CHMP1A: variants seen among roughly 807,000 people sequenced by gnomAD.
CHMP1A encodes VPS46 homolog A.
CHMP1A carries 17 observed loss-of-function variants against 27.0 expected under a neutral mutation model. The ratio of observed to expected loss-of-function variants is 0.63; its 90% confidence interval spans 0.43 to 0.95. The LOEUF (loss-of-function observed/expected upper bound fraction) is 0.95. CHMP1A is among the 40% of genes least tolerant of loss of function. The pLI is 0.00. For missense variants in CHMP1A, 275 were observed against 264.0 expected, an observed-to-expected ratio of 1.04 and a Z score of -0.29; for synonymous variants, 131 against 107.5, an observed-to-expected ratio of 1.22 and a Z score of -1.35.
chr16:89,655,949 C>G (rs563760503), intron 1 of CHMP1A, among the ~76,000 whole-genome samples: 1 of 151,996 alleles, frequency 6.6e-6, no homozygotes, highest in African/African-American at 2.4e-5. Context: ...GAATTACAGC[C>G]GTGAGCCACC....
intron 4 of CHMP1A, among the ~76,000 whole-genome samples, chr16:89,647,567 C>T (rs1228145859): frequency 8.8e-5 from 13 of 147,694 alleles, no homozygotes; most frequent in Admixed American, 3.4e-4. Flanking sequence ...GACGTGGAGA[C>T]CCAGTGCGGG....
chr16:89,649,645 G>A (rs891546029), intron 3 of CHMP1A, 148 bp from the exon 4 acceptor site: 31 of 903,968 alleles, frequency 3.4e-5, no homozygotes, highest in Middle Eastern at 2.7e-4. Context: ...GCACGATCTC[G>A]ACTCAACGCA....
In CHMP1A at chr16:89,645,779, TG is replaced by T; in HGVS notation, c.*286del. ...CAGAGTCTGAAGGCCCCCACAGTGC[TG>T]GGTGAAAGTCCACAGGGCCCCTCTT... On this transcript the variant is annotated 3_prime_UTR_variant, in exon 7 of 7. Transcript: ENST00000397901. The T allele has an allele frequency of 1.3e-6, 1 of 786,630 alleles. No individual in the cohort carries two copies. The highest frequency in any genetic ancestry group is 1.9e-6 in the Non-Finnish European group (1 of 526,198). The allele number at this position is 786,630 out of a possible 1,614,324, so 48.7% of individuals were successfully genotyped here.
chr16:89,649,622 C>CG, intron 3 of CHMP1A, 125 bp from the exon 4 acceptor site: 1 of 1,187,788 alleles, frequency 8.4e-7, no homozygotes, highest in Non-Finnish European at 1.2e-6. Flanking sequence ...GTTGCCCAGG[C>CG]TGGAGTGCAG....
intron 2 of CHMP1A, 43 bp downstream of exon 2, chr16:89,653,861 C>G (rs2059843760): frequency 6.2e-7 from 1 of 1,603,608 alleles, no homozygotes; most frequent in Non-Finnish European, 8.5e-7. Flanking sequence ...ACTATCTGTC[C>G]TCACCAGAAC....
At chr16:89,647,413 G>T in intron 4 of CHMP1A, 82 bp from the exon 5 acceptor site, 1 of 1,390,834 alleles carries the variant, frequency 7.2e-7, no homozygotes. Flanking sequence ...CCTGGACTCT[G>T]ACAGGAGAGC....
At chr16:89,654,076 C>G (rs902004585) in intron 1 of CHMP1A, among the ~76,000 whole-genome samples, 153 bp from the exon 2 acceptor site, 3 of 152,226 alleles carry the variant, frequency 2.0e-5, no homozygotes, top group Non-Finnish European at 4.4e-5. Context: ...CCCCCCCCAA[C>G]AGGGGAGGCA....
rs572984773 is a variant in CHMP1A at position 89,653,972 on chromosome 16, T to A, written c.8-49A>T. 2.5e-6 allele frequency: 4 copies of A among 1,598,118 alleles called. No homozygotes were observed. In the Admixed American group the frequency reaches 6.7e-5, roughly 27 times the overall value. ...GGTTTGAGGATTGGGAATGGGACGT[T>A]ACACTTCTGGCAGGCAGGACTCACT... On this transcript the variant is annotated intron_variant, in intron 1 of 6. Transcript: ENST00000397901.
intron 1 of CHMP1A, among the ~76,000 whole-genome samples, chr16:89,656,710 T>C (rs1444422590): frequency 6.6e-6 from 1 of 152,226 alleles, no homozygotes; most frequent in Admixed American, 6.5e-5. Context: ...GCTTTCTGTC[T>C]GAGTCCTTCT....
chr16:89,646,736 G>A (rs756720153), intron 5 of CHMP1A, 22 bp from the exon 6 acceptor site: 2 of 1,603,188 alleles, frequency 1.2e-6, no homozygotes, highest in Non-Finnish European at 1.7e-6. Flanking sequence ...GGCATGCTCT[G>A]GACAACAGGT....
intron 2 of CHMP1A, among the ~76,000 whole-genome samples, chr16:89,653,469 A>C (rs1238977186): frequency 4.1e-4 from 62 of 150,960 alleles, no homozygotes; most frequent in African/African-American, 1.5e-3. Flanking sequence ...AAATGTAAAA[A>C]AAAATTAGCT....
At chr16:89,655,044 G>A (rs529768892) in intron 1 of CHMP1A, among the ~76,000 whole-genome samples, 1 of 152,214 alleles carries the variant, frequency 6.6e-6, no homozygotes, top group East Asian at 1.9e-4. Flanking sequence ...TTCCTGAAAG[G>A]GCTTTACCAC....
intron 5 of CHMP1A, 175 bp from the exon 6 acceptor site, chr16:89,646,889 C>CG: frequency 1.5e-6 from 1 of 662,208 alleles, no homozygotes; most frequent in Non-Finnish European, 2.7e-6. Flanking sequence ...TTCCTGCCCC[C>CG]CCACCCAGCC....
At position 89,649,361 on chromosome 16, in the gene CHMP1A, G is replaced by A; in HGVS notation, c.242C>T (p.Thr81Ile). The part of the protein sequence containing the change: ...AVASKVQTAV[T>I]MKGVTKNMAQ... ...GGGCCCAGCACTCACCCCCTTCATA[G>A]TCACAGCTGTCTGCACCTTGGAGGC... is the stretch of plus-strand genomic sequence containing the variant. The change falls in exon 4 of 7, where the codon ACT (threonine) becomes ATT (isoleucine). Residue 81 changes from threonine (T) to isoleucine (I), a missense_variant. By Grantham distance (89) the Thr-to-Ile change is moderately conservative (BLOSUM62 -1). Coordinates refer to ENST00000397901, the MANE Select transcript of CHMP1A (RefSeq NM_002768.5). 1 of 1,612,412 alleles carries A rather than the reference G, an allele frequency of 6.2e-7. No homozygotes were observed. The highest frequency in any genetic ancestry group is 8.5e-7 in the Non-Finnish European group (1 of 1,178,822).
intron 1 of CHMP1A, among the ~76,000 whole-genome samples, chr16:89,656,910 G>C (rs2059879781): frequency 1.3e-5 from 2 of 152,032 alleles, no homozygotes; most frequent in Non-Finnish European, 2.9e-5. Flanking sequence ...CGGTGGTCGG[G>C]GGTCCAGGCC....
chr16:89,653,445 C>G (rs765971193), intron 2 of CHMP1A, among the ~76,000 whole-genome samples: 2 of 150,000 alleles, frequency 1.3e-5, no homozygotes, highest in Non-Finnish European at 3.0e-5. Context: ...GTGGTGAAAC[C>G]CCGTCTCTAT....
rs1240589792 is a variant in CHMP1A at position 89,645,883 on chromosome 16, C to T, written c.*183G>A. On this transcript the variant is annotated 3_prime_UTR_variant, in exon 7 of 7. Transcript: ENST00000397901. ...GAAACTCAACACCAGGACACAGACC[C>T]ACCGCCCAACCTAAAAGAACAGGAA... The T allele has an allele frequency of 8.2e-6, 13 of 1,582,398 alleles. No homozygotes were observed. The highest frequency in any genetic ancestry group is 1.2e-5 in the South Asian group (1 of 86,582).
chr16:89,653,865 C>G (rs1161074392), intron 2 of CHMP1A, 39 bp downstream of exon 2: 4 of 1,607,292 alleles, frequency 2.5e-6, no homozygotes, highest in Admixed American at 3.3e-5. Flanking sequence ...TCTGTCCTCA[C>G]CAGAACAGGG....
intron 6 of CHMP1A, 72 bp downstream of exon 6, chr16:89,646,455 A>G: frequency 6.9e-7 from 1 of 1,441,538 alleles, no homozygotes; most frequent in Non-Finnish European, 9.4e-7. Flanking sequence ...CCTCTAACCC[A>G]CAACCCTCTC....
Sources: gnomAD v4.1 joint callset for allele counts (sites outside exome capture counted in the v4.1 genomes callset) on GRCh38, gnomAD v4.1.1 for gene constraint, MANE v1.5 for transcripts, NCBI Gene and HGNC (gene_info 2026-07-23, HGNC 2026-07-21) for gene names.